The following PTPN3 variants were observed in gnomAD, a reference collection of about 807,000 sequenced individuals.
PTPN3 encodes protein tyrosine phosphatase non-receptor type 3.
PTPN3 carries 96 observed loss-of-function variants against 132.7 expected under a neutral mutation model. The ratio of observed to expected loss-of-function variants is 0.72; its 90% CI spans 0.61 to 0.86. The LOEUF (loss-of-function observed/expected upper bound fraction) is 0.86. PTPN3 is among the 40% of genes least tolerant of loss of function. The pLI, the probability that PTPN3 is intolerant of heterozygous loss-of-function variation, is 0.00. For missense variants in PTPN3, 1,125 were observed against 1,159.6 expected (o/e 0.97, Z 0.43); for synonymous variants, 398 against 429.0 (o/e 0.93, Z 0.89).
chr9:109,391,356 C>G, intron 20 of PTPN3, 115 bp downstream of exon 20: 1 of 1,295,884 alleles, frequency 7.7e-7, no homozygotes, highest in Non-Finnish European at 1.1e-6. Context: ...GCAATAAAGA[C>G]GGTGGTGTTT....
intron 12 of PTPN3, among the ~76,000 whole-genome samples, chr9:109,425,139 A>G (rs545013191): frequency 6.6e-6 from 1 of 152,244 alleles, no homozygotes; most frequent in Non-Finnish European, 1.5e-5. Flanking sequence ...AAACAGTATT[A>G]TAAGAGCTAA....
At chr9:109,398,793 A>T (rs1840805922) in intron 19 of PTPN3, among the ~76,000 whole-genome samples, 1 of 152,200 alleles carries the variant, frequency 6.6e-6, no homozygotes, top group East Asian at 1.9e-4. Context: ...CTTAGCTTTT[A>T]TCCAGGAAAG....
At chr9:109,437,652 C>T (rs1269779302) in intron 8 of PTPN3, among the ~76,000 whole-genome samples, 1 of 152,220 alleles carries the variant, frequency 6.6e-6, no homozygotes, top group Non-Finnish European at 1.5e-5. Context: ...CTGCAGAAGA[C>T]TCATGCTCCC....
At chr9:109,497,027 T>C (rs1283021292) in intron 1 of PTPN3, among the ~76,000 whole-genome samples, 1 of 152,214 alleles carries the variant, frequency 6.6e-6, no homozygotes, top group Admixed American at 6.5e-5. Flanking sequence ...ACAGCTCTTT[T>C]GTAAGTGAAG....
chr9:109,451,952 C>T (rs1364809349), intron 5 of PTPN3, among the ~76,000 whole-genome samples: 1 of 152,116 alleles, frequency 6.6e-6, no homozygotes, highest in African/African-American at 2.4e-5. Context: ...CAATTTAATG[C>T]GTCACAGTTG....
At chr9:109,405,108 C>T (rs779621462) in intron 18 of PTPN3, among the ~76,000 whole-genome samples, 7 of 152,154 alleles carry the variant, frequency 4.6e-5, no homozygotes, top group African/African-American at 7.2e-5. Flanking sequence ...TGGGAGGCTC[C>T]CACGTAAATA....
the PTPN3 span, among the ~76,000 whole-genome samples, chr9:109,515,514 C>T: frequency 4.4e-3 from 669 of 152,222 alleles, 6 homozygotes; most frequent in African/African-American, 0.015. Flanking sequence ...CCTTGCAGCC[C>T]GAAAGAGCCC....
intron 7 of PTPN3, among the ~76,000 whole-genome samples, chr9:109,442,871 G>A (rs1844589885): frequency 6.6e-6 from 1 of 152,076 alleles, no homozygotes; most frequent in Non-Finnish European, 1.5e-5. Flanking sequence ...TAGGTATATG[G>A]CTCCAGTCCA....
chr9:109,497,815 G>C (rs957090930), intron 1 of PTPN3, among the ~76,000 whole-genome samples: 4 of 151,894 alleles, frequency 2.6e-5, no homozygotes, highest in Non-Finnish European at 5.9e-5. Flanking sequence ...AGCTCCCCGC[G>C]GGCTGTGTGC....
intron 6 of PTPN3, among the ~76,000 whole-genome samples, chr9:109,447,836 G>T (rs899789699): frequency 6.6e-6 from 1 of 152,094 alleles, no homozygotes; most frequent in Non-Finnish European, 1.5e-5. Flanking sequence ...ACCTTCAACA[G>T]TTCTCTTCTG....
At chr9:109,420,746 C>G (rs1440791168) in intron 13 of PTPN3, 146 bp from the exon 14 acceptor site, 18 of 833,966 alleles carry the variant, frequency 2.2e-5, no homozygotes, top group Non-Finnish European at 3.2e-5. Context: ...TAACTCATTA[C>G]TACCCCAGCA....
At chr9:109,402,828 T>TG (rs946668455) in intron 19 of PTPN3, among the ~76,000 whole-genome samples, 1 of 152,064 alleles carries the variant, frequency 6.6e-6, no homozygotes, top group Non-Finnish European at 1.5e-5. Flanking sequence ...CCTAGCACTT[T>TG]GGGGGGCTGA....
chr9:109,507,986 C>T, the PTPN3 span, among the ~76,000 whole-genome samples: 693 of 152,226 alleles, frequency 4.6e-3, 9 homozygotes, highest in African/African-American at 0.016. Context: ...TTTCTTGCTT[C>T]CCCTTGAAAA....
At chr9:109,447,696 T>C (rs1438946586) in intron 6 of PTPN3, among the ~76,000 whole-genome samples, 2 of 152,162 alleles carry the variant, frequency 1.3e-5, no homozygotes, top group Non-Finnish European at 2.9e-5. Flanking sequence ...GATGCTACAA[T>C]AGCTTCCTTG....
At position 109,407,928 on chromosome 9, in the gene PTPN3, C is replaced by G. The variant is rs565202340; in HGVS notation, c.1635+393G>C. Among the ~76,000 whole-genome samples, 197 of 152,314 alleles carry G rather than the reference C, an allele frequency of 1.3e-3. 1 individual carries two copies. The highest frequency in any genetic ancestry group is 4.6e-3 in the African/African-American group (192 of 41,568). On this transcript the variant is annotated intron_variant, in intron 17 of 25. Coordinates refer to ENST00000374541, the MANE Select transcript of PTPN3 (RefSeq NM_002829.4). ...GCCTACACAGATGACAAAAGGGGCACTGGTGGAAAGATGGTGAGAAGAGGC... is the reference window on the plus strand; with the variant it reads ...GCCTACACAGATGACAAAAGGGGCAGTGGTGGAAAGATGGTGAGAAGAGGC...
the PTPN3 span, among the ~76,000 whole-genome samples, chr9:109,520,688 T>C: frequency 6.6e-6 from 1 of 152,216 alleles, no homozygotes; most frequent in Admixed American, 6.5e-5. Context: ...ACTGTTCAGT[T>C]ATAGCACTGT....
At chr9:109,500,019 G>A (rs1208545770), upstream of PTPN3, among the ~76,000 whole-genome samples, 1 of 152,206 alleles carries the variant, frequency 6.6e-6, no homozygotes, top group Admixed American at 6.5e-5. Flanking sequence ...CCCCCGCAGA[G>A]CTCCACCCAG....
chr9:109,408,125 A>G (rs897463846), intron 17 of PTPN3, among the ~76,000 whole-genome samples, 196 bp downstream of exon 17: 5 of 152,204 alleles, frequency 3.3e-5, no homozygotes, highest in African/African-American at 1.2e-4. Flanking sequence ...TGCATTTCTA[A>G]TGAGGTCCCA....
chr9:109,495,873 T>C (rs1428728520), intron 1 of PTPN3, among the ~76,000 whole-genome samples: 1 of 152,206 alleles, frequency 6.6e-6, no homozygotes, highest in East Asian at 1.9e-4. Flanking sequence ...GGGCTTTTTC[T>C]CCTGCTCCAA....
Sources: allele counts gnomAD v4.1 joint callset (sites outside exome capture counted in the v4.1 genomes callset), GRCh38; gene constraint gnomAD v4.1.1; transcripts MANE v1.5; gene names NCBI Gene and HGNC (gene_info 2026-07-23, HGNC 2026-07-21).